The following KCNK2 variants were observed in gnomAD, a reference collection of about 807,000 sequenced individuals.
The protein encoded by KCNK2 is potassium two pore domain channel subfamily K member 2.
A neutral mutation model predicts 40.5 loss-of-function variants in KCNK2; 21 were observed. The observed-to-expected ratio is 0.52, with a 90% confidence interval of 0.37 to 0.75. KCNK2 has a LOEUF of 0.75. Among genes scored for constraint, KCNK2 ranks in the 30% least tolerant of loss-of-function variants. The pLI, the probability that KCNK2 is intolerant of heterozygous loss-of-function variation, is 0.00. For synonymous variants in KCNK2, 191 were observed against 202.2 expected (o/e 0.94, Z 0.47); for missense variants, 399 against 531.6 (o/e 0.75, Z 2.45).
At chr1:215,065,034 G>A (rs767286172) in intron 1 of KCNK2, among the ~76,000 whole-genome samples, 5 of 152,158 alleles carry the variant, frequency 3.3e-5, no homozygotes, top group African/African-American at 9.7e-5. Flanking sequence ...AACGTTTTAG[G>A]TATTTCAATA....
intron 1 of KCNK2, among the ~76,000 whole-genome samples, chr1:215,075,050 A>T (rs1417147361): frequency 6.6e-6 from 1 of 152,230 alleles, no homozygotes; most frequent in Non-Finnish European, 1.5e-5. Flanking sequence ...TAATTAACAT[A>T]TGCTGTATGT....
chr1:215,085,791 A>G (rs1414902264), intron 1 of KCNK2, among the ~76,000 whole-genome samples: 1 of 152,240 alleles, frequency 6.6e-6, no homozygotes, highest in Non-Finnish European at 1.5e-5. Context: ...TGGTTTATTT[A>G]CCACCATGTT....
At chr1:215,061,948 A>G (rs929441164) in intron 1 of KCNK2, among the ~76,000 whole-genome samples, 8 of 152,166 alleles carry the variant, frequency 5.3e-5, no homozygotes, top group Non-Finnish European at 8.8e-5. Flanking sequence ...AAAGGAAATC[A>G]TCCTGGAATT....
At chr1:215,195,987 A>G (rs1452534454) in intron 6 of KCNK2, among the ~76,000 whole-genome samples, 1 of 152,176 alleles carries the variant, frequency 6.6e-6, no homozygotes, top group Non-Finnish European at 1.5e-5. Context: ...ATAAGCATGA[A>G]TTCTTTAAGT....
intron 6 of KCNK2, among the ~76,000 whole-genome samples, chr1:215,210,859 CTCT>C (rs1665714939): frequency 4.0e-5 from 1 of 25,206 alleles, no homozygotes; most frequent in Non-Finnish European, 1.7e-4. Flanking sequence ...CGACTTATCT[CTCT>C]TCCTGTTTTA....
intron 1 of KCNK2, among the ~76,000 whole-genome samples, chr1:215,070,415 TA>T (rs536258219): frequency 0.039 from 3,620 of 93,416 alleles, 81 homozygotes; most frequent in African/African-American, 0.068. Flanking sequence ...GACCCCGTCT[TA>T]AAAAAAAAAA....
intron 5 of KCNK2, among the ~76,000 whole-genome samples, chr1:215,185,266 A>T (rs1290086280): frequency 1.3e-5 from 2 of 152,300 alleles, no homozygotes; most frequent in East Asian, 3.9e-4. Context: ...TTGCTGATTC[A>T]TCACTATCTC....
chr1:215,111,277 G>A (rs1224087547), intron 2 of KCNK2, among the ~76,000 whole-genome samples: 3 of 152,070 alleles, frequency 2.0e-5, no homozygotes, highest in Non-Finnish European at 4.4e-5. Context: ...GAAATGGTGA[G>A]AGTGGGCCTC....
chr1:215,053,033 C>T (rs1452638235), intron 1 of KCNK2, among the ~76,000 whole-genome samples: 1 of 152,094 alleles, frequency 6.6e-6, no homozygotes, highest in Non-Finnish European at 1.5e-5. Context: ...GCAAACTTCT[C>T]ATGTTCTCAC....
intron 1 of KCNK2, among the ~76,000 whole-genome samples, chr1:215,064,562 A>G (rs148512603): frequency 5.4e-4 from 82 of 152,268 alleles, no homozygotes; most frequent in South Asian, 5.0e-3. Flanking sequence ...GGACTTGTTC[A>G]GTATTTTCCA....
chr1:215,172,223 G>C, intron 5 of KCNK2, 40 bp downstream of exon 5: 1 of 1,526,920 alleles, frequency 6.5e-7, no homozygotes. Context: ...TTCTAACAGG[G>C]GTTTATTAGA....
At chr1:215,048,907 A>G (rs1037336570) in intron 1 of KCNK2, among the ~76,000 whole-genome samples, 6 of 152,214 alleles carry the variant, frequency 3.9e-5, no homozygotes, top group African/African-American at 1.4e-4. Flanking sequence ...CCATTCATCC[A>G]TCAACGGCAT....
intron 3 of KCNK2, among the ~76,000 whole-genome samples, chr1:215,162,883 T>TC (rs1378776025): frequency 1.3e-5 from 2 of 151,784 alleles, no homozygotes; most frequent in Non-Finnish European, 1.5e-5. Flanking sequence ...TGTTTTTTTT[T>TC]TTTATTAGGA....
chr1:215,060,162 G>T (rs998733362), intron 1 of KCNK2, among the ~76,000 whole-genome samples: 1 of 152,162 alleles, frequency 6.6e-6, no homozygotes, highest in Non-Finnish European at 1.5e-5. Flanking sequence ...GATTCAGTCC[G>T]CAGTGCCAGC....
At chr1:215,013,042 G>A (rs906533879) in intron 1 of KCNK2, among the ~76,000 whole-genome samples, 4 of 151,878 alleles carry the variant, frequency 2.6e-5, no homozygotes, top group African/African-American at 9.7e-5. Flanking sequence ...TTCACTTCAA[G>A]TTAATTTTGT....
intron 1 of KCNK2, among the ~76,000 whole-genome samples, chr1:215,022,541 C>T (rs1272830532): frequency 4.6e-5 from 7 of 152,106 alleles, no homozygotes; most frequent in African/African-American, 1.4e-4. Context: ...GGCTGAATAC[C>T]TTATGGAACC....
intron 1 of KCNK2, among the ~76,000 whole-genome samples, chr1:215,007,141 A>G (rs1387256518): frequency 5.3e-5 from 6 of 112,502 alleles, no homozygotes; most frequent in Non-Finnish European, 8.7e-5. Flanking sequence ...GTGTATATAT[A>G]TGTGTATATA....
chr1:215,092,911 T>G (rs1659752373), intron 2 of KCNK2, among the ~76,000 whole-genome samples: 1 of 152,128 alleles, frequency 6.6e-6, no homozygotes, highest in African/African-American at 2.4e-5. Context: ...GACAGTGCTG[T>G]ATTTAAGCAA....
At chr1:215,050,118 A>T (rs905004559) in intron 1 of KCNK2, among the ~76,000 whole-genome samples, 2 of 152,128 alleles carry the variant, frequency 1.3e-5, no homozygotes, top group Non-Finnish European at 2.9e-5. Context: ...TGCTATGTTG[A>T]GTCTTCTAAC....
Sources: gnomAD v4.1 joint callset for allele counts (sites outside exome capture counted in the v4.1 genomes callset) on GRCh38, gnomAD v4.1.1 for gene constraint, MANE v1.5 for transcripts, NCBI Gene and HGNC (gene_info 2026-07-23, HGNC 2026-07-21) for gene names.